PHF2: variants seen among roughly 807,000 people sequenced by gnomAD.
The protein encoded by PHF2 is lysine-specific demethylase PHF2.
In PHF2, 27 loss-of-function variants were observed where a neutral mutation model predicts 120.5. The observed-to-expected ratio is 0.22, with a 90% CI of 0.17 to 0.31. PHF2 has a LOEUF of 0.31. PHF2 is among the 10% of genes least tolerant of loss of function. PHF2 has a pLI of 1.00. For missense variants in PHF2, 1,024 were observed against 1,434.8 expected (o/e 0.71, Z 4.63); for synonymous variants, 568 against 592.5 (o/e 0.96, Z 0.60).
At chr9:93,665,261 G>A (rs531230345) in intron 14 of PHF2, among the ~76,000 whole-genome samples, 1 of 152,230 alleles carries the variant, frequency 6.6e-6, no homozygotes, top group African/African-American at 2.4e-5. Flanking sequence ...AGGATTCCTA[G>A]GCAGGCCCGA....
Position 93,678,035 on chromosome 9 carries a change from A to G in PHF2, c.*359A>G. On this transcript the variant is annotated 3_prime_UTR_variant, in exon 22 of 22. Transcript: ENST00000359246. The stretch of plus-strand genomic sequence containing the variant: ...AGAGCATGAGTCCTTCAAGGAAGAC[A>G]GAGTGAGCCAATGCTCACCAGCCCC... 1 of 207,024 alleles carries G rather than the reference A, an allele frequency of 4.8e-6. No homozygotes were observed. The highest frequency in any genetic ancestry group is 1.3e-4 in the South Asian group (1 of 7,846). 12.8% of individuals were successfully genotyped at this position (207,024 alleles called of 1,614,324 possible).
intron 3 of PHF2, among the ~76,000 whole-genome samples, chr9:93,644,276 C>T (rs1193997970): frequency 6.6e-6 from 1 of 151,946 alleles, no homozygotes; most frequent in East Asian, 1.9e-4. Context: ...ATCCCAGCTA[C>T]TCAGGAGGCT....
chr9:93,589,378 A>G (rs1302236000), intron 1 of PHF2, among the ~76,000 whole-genome samples: 3 of 152,264 alleles, frequency 2.0e-5, no homozygotes, highest in South Asian at 2.1e-4. Context: ...TTCTTTGTGT[A>G]GGGGCTTTCT....
chr9:93,604,727 G>T (rs1318528947), intron 1 of PHF2, among the ~76,000 whole-genome samples: 5 of 152,152 alleles, frequency 3.3e-5, no homozygotes, highest in African/African-American at 1.2e-4. Context: ...GCCTCCCAAA[G>T]TGCTGGGCCA....
chr9:93,673,577 GC>G lies in PHF2; in HGVS notation c.2349-4del. The stretch of plus-strand genomic sequence containing the variant: ...CTGGGCTGAGTGCCTGTCTCTCTGT[GC>G]CCCTAGCCAGCCCCCGGCCTCCCCC... On this transcript the variant is annotated splice_polypyrimidine_tract_variant and splice_region_variant and intron_variant, in intron 17 of 21. Coordinates refer to ENST00000359246, the MANE Select transcript of PHF2 (RefSeq NM_005392.4). The G allele has an allele frequency of 6.5e-7, 1 of 1,549,032 alleles. No individual in the cohort carries two copies. The highest frequency in any genetic ancestry group is 8.7e-7 in the Non-Finnish European group (1 of 1,143,992).
At chr9:93,580,227 G>A (rs1336404352) in intron 1 of PHF2, among the ~76,000 whole-genome samples, 1 of 152,204 alleles carries the variant, frequency 6.6e-6, no homozygotes, top group Non-Finnish European at 1.5e-5. Context: ...GGCACCGACT[G>A]GAGTGCTGTC....
rs1825643173 is a variant in PHF2, at chr9:93,611,965, C to T, written c.99-18005C>T. ...AAAGTGTGGCCTCTCCAGAGATGGC[C>T]ACTGCAATCAAGGGCCTGTGTGTCT... is the stretch of plus-strand genomic sequence containing the variant. On this transcript the variant is annotated intron_variant, in intron 1 of 21. Coordinates refer to ENST00000359246, the MANE Select transcript of PHF2 (RefSeq NM_005392.4). 3.3e-5 allele frequency among the ~76,000 whole-genome samples: 5 copies of T among 152,314 alleles called. No homozygotes were observed. The South Asian group carries it at 1.0e-3, about 32-fold the overall frequency.
In PHF2 at chr9:93,677,512, C is replaced by T. The variant is rs1021859633; in HGVS notation, c.3203-76C>T. On this transcript the variant is annotated intron_variant, in intron 21 of 21. Coordinates refer to ENST00000359246, the MANE Select transcript of PHF2 (RefSeq NM_005392.4). This position sits in a 1 kb window ranked among gnomAD's most constrained non-coding sequence, Gnocchi z 4.4. ...TGCCCCTTAGTGTCAGCGGGACCCT[C>T]CCCCCCACCGGCATGCCACGCCCCT... The T allele has an allele frequency of 2.9e-5, 31 of 1,051,860 alleles. No individual in the cohort carries two copies. In the African/African-American group the frequency reaches 4.6e-4, roughly 15 times the overall value. 65.2% of individuals were successfully genotyped at this position (1,051,860 alleles called of 1,614,324 possible). A position where few individuals can be genotyped will look rare whatever the true frequency, so the allele number is the denominator to read the frequency against.
At chr9:93,613,832 C>T (rs1256457775) in intron 1 of PHF2, among the ~76,000 whole-genome samples, 1 of 152,120 alleles carries the variant, frequency 6.6e-6, no homozygotes, top group African/African-American at 2.4e-5. Flanking sequence ...CCTCAGCATC[C>T]CAGAGCACTG....
At chr9:93,660,165 T>C (rs753720900) in intron 11 of PHF2, 27 bp from the exon 12 acceptor site, 8 of 1,516,658 alleles carry the variant, frequency 5.3e-6, no homozygotes, top group Middle Eastern at 3.5e-4. Flanking sequence ...AGAAGCAGCA[T>C]GTGACCCTCT....
At chr9:93,593,005 C>G (rs1825257387) in intron 1 of PHF2, among the ~76,000 whole-genome samples, 1 of 146,490 alleles carries the variant, frequency 6.8e-6, no homozygotes, top group South Asian at 2.1e-4. Flanking sequence ...ATCCAGAGGT[C>G]CTTGGAGGGA....
intron 1 of PHF2, among the ~76,000 whole-genome samples, chr9:93,585,178 G>GA (rs1863016069): frequency 1.3e-5 from 2 of 152,324 alleles, no homozygotes; most frequent in Non-Finnish European, 1.5e-5. Context: ...CCCAGTGCAT[G>GA]CCTGCATGCT....
intron 1 of PHF2, among the ~76,000 whole-genome samples, chr9:93,596,607 G>A (rs1023746046): frequency 1.3e-5 from 2 of 152,092 alleles, no homozygotes; most frequent in Non-Finnish European, 2.9e-5. Flanking sequence ...AGGCTGTGTG[G>A]TGCTGGAGGG....
At position 93,660,193 on chromosome 9, in the gene PHF2, A is replaced by T. The variant is rs1370209441; in HGVS notation, c.1331A>T (p.Asn444Ile). 1 of 1,547,942 alleles carries T rather than the reference A, an allele frequency of 6.5e-7. No individual in the cohort carries two copies. Among genetic ancestry groups the T allele is most frequent in the East Asian group, 2.3e-5 (1 of 44,220 alleles). Reference protein sequence around the residue: ...DLAKEIRLSENASKAVRPEVN... With the variant: ...DLAKEIRLSEIASKAVRPEVN... ...GACCCTCTCCTTTCTGTATCCCAGA[A>T]TGCCTCCAAAGCCGTCCGACCGGAA... Residue 444 changes from asparagine to isoleucine, a missense_variant and splice_region_variant, in exon 12 of 22, where the codon AAT becomes ATT. Coordinates refer to ENST00000359246, the MANE Select transcript of PHF2 (RefSeq NM_005392.4).
At chr9:93,661,984 AATGG>A (rs1587714196) in intron 12 of PHF2, among the ~76,000 whole-genome samples, 1 of 151,012 alleles carries the variant, frequency 6.6e-6, no homozygotes, top group Non-Finnish European at 1.5e-5. Flanking sequence ...TGAACAAACA[AATGG>A]ATGGGTGGAT....
chr9:93,647,106 C>T (rs1826274259), intron 4 of PHF2, among the ~76,000 whole-genome samples: 1 of 152,234 alleles, frequency 6.6e-6, no homozygotes. Context: ...GCTGGTCAGG[C>T]AGCCTTGTGT....
chr9:93,609,402 A>G (rs754787959), intron 1 of PHF2, among the ~76,000 whole-genome samples: 3 of 152,148 alleles, frequency 2.0e-5, no homozygotes, highest in Non-Finnish European at 2.9e-5. Flanking sequence ...TTTCTGATCT[A>G]TATCATTTTC....
chr9:93,585,285 G>A (rs1024012779), intron 1 of PHF2, among the ~76,000 whole-genome samples: 1 of 152,220 alleles, frequency 6.6e-6, no homozygotes, highest in Admixed American at 6.5e-5. Flanking sequence ...CTCATATTGT[G>A]TATGGGGTCC....
chr9:93,584,581 G>A (rs1186123551), intron 1 of PHF2, among the ~76,000 whole-genome samples: 1 of 152,206 alleles, frequency 6.6e-6, no homozygotes, highest in Non-Finnish European at 1.5e-5. Flanking sequence ...TGGACTCTCA[G>A]TTCTATTCCA....
Sources: gnomAD v4.1 joint callset for allele counts (sites outside exome capture counted in the v4.1 genomes callset) on GRCh38, gnomAD v4.1.1 for gene constraint, Gnocchi (gnomAD v3.1) non-coding constraint, MANE v1.5 for transcripts, NCBI Gene and HGNC (gene_info 2026-07-23, HGNC 2026-07-21) for gene names.